The following RIPK2 variants were observed in gnomAD, a reference collection of about 807,000 sequenced individuals.
RIPK2 encodes the protein receptor-interacting serine/threonine-protein kinase 2.
A neutral mutation model predicts 60.9 loss-of-function variants in RIPK2; 38 were observed. That is an observed-to-expected ratio of 0.62 (90% CI 0.48 to 0.82). The LOEUF is 0.82. RIPK2 is among the 40% of genes least tolerant of loss of function. The pLI is 0.00. For synonymous variants in RIPK2, 225 were observed against 223.4 expected (o/e 1.01, Z -0.06); for missense variants, 518 against 647.0 (o/e 0.80, Z 2.16).
chr8:89,758,382 G>C (rs572486034), intron 1 of RIPK2, 149 bp downstream of exon 1: 25 of 746,524 alleles, frequency 3.3e-5, no homozygotes, highest in Admixed American at 1.9e-4. Flanking sequence ...AAGCTTGGGA[G>C]ATAGGGAGCA....
chr8:89,783,923 C>T, intron 7 of RIPK2, 127 bp from the exon 8 acceptor site: 1 of 513,160 alleles, frequency 1.9e-6, no homozygotes, highest in Non-Finnish European at 3.4e-6. Flanking sequence ...GTTATATTCT[C>T]AACTCTTTAT....
intron 2 of RIPK2, 150 bp downstream of exon 2, chr8:89,763,132 T>G (rs540216693): frequency 2.1e-6 from 1 of 484,150 alleles, no homozygotes; most frequent in African/African-American, 2.0e-5. Flanking sequence ...AAATTTTACC[T>G]TTTGTGACAT....
At chr8:89,770,062 G>A in intron 4 of RIPK2, 133 bp downstream of exon 4, 1 of 644,910 alleles carries the variant, frequency 1.6e-6, no homozygotes, top group Non-Finnish European at 2.5e-6. Flanking sequence ...TAAACTTGAG[G>A]CCCCACGGTG....
In RIPK2 at chr8:89,765,368, C is replaced by T; in HGVS notation, c.355C>T (p.Pro119Ser). 6.2e-7 allele frequency: 1 copy of T among 1,609,332 alleles called. No homozygotes were observed. Among genetic ancestry groups the T allele is most frequent in the South Asian group, 1.1e-5 (1 of 90,590 alleles). The part of the protein sequence containing the change: ...RKTEYPDVAW[P>S]LRFRILHEIA... ...AACTGAATATCCTGATGTTGCTTGG[C>T]CATTGAGATTTCGCATCCTGCATGA... Residue 119 changes from proline to serine, a missense_variant, in exon 3 of 11, where the codon CCA becomes TCA. Coordinates refer to ENST00000220751, the MANE Select transcript of RIPK2 (RefSeq NM_003821.6).
chr8:89,785,372 G>C (rs912943479), intron 8 of RIPK2, among the ~76,000 whole-genome samples: 1 of 152,056 alleles, frequency 6.6e-6, no homozygotes, highest in Non-Finnish European at 1.5e-5. Context: ...CTACTCGGGG[G>C]GTTGAGGCAG....
In RIPK2 at chr8:89,765,442, T is replaced by C; in HGVS notation, c.429T>C (p.Leu143=). Residue 143 remains leucine (L), a synonymous_variant, in exon 3 of 11, where the codon CTT becomes CTC. Coordinates refer to ENST00000220751, the MANE Select transcript of RIPK2 (RefSeq NM_003821.6). The part of the protein sequence containing the change: ...NYLHNMTPPL[L]HHDLKTQNIL... ...TGCACAATATGACTCCTCCTTTACT[T>C]CATCATGACTTGAAGACTCAGAATA... The C allele has an allele frequency of 6.3e-7, 1 of 1,599,910 alleles. No individual in the cohort carries two copies. Among genetic ancestry groups the C allele is most frequent in the East Asian group, 2.2e-5 (1 of 44,680 alleles).
intron 6 of RIPK2, among the ~76,000 whole-genome samples, chr8:89,777,164 T>C (rs1244393848): frequency 6.6e-6 from 1 of 152,242 alleles, no homozygotes; most frequent in African/African-American, 2.4e-5. Flanking sequence ...TCCTCTCAAG[T>C]ATTCAGTGGA....
intron 6 of RIPK2, among the ~76,000 whole-genome samples, chr8:89,778,931 A>G (rs1809446332): frequency 6.6e-6 from 1 of 152,224 alleles, no homozygotes; most frequent in African/African-American, 2.4e-5. Flanking sequence ...CCAGCAATGT[A>G]TGAGGTTTTC....
At chr8:89,784,256 C>A (rs1310234254) in intron 8 of RIPK2, 117 bp downstream of exon 8, 11 of 601,130 alleles carry the variant, frequency 1.8e-5, no homozygotes, top group Middle Eastern at 4.7e-4. Context: ...GCCCAGGGAG[C>A]TTTTAGGATT....
intron 9 of RIPK2, among the ~76,000 whole-genome samples, chr8:89,788,079 C>A (rs908049204): frequency 6.6e-6 from 1 of 152,190 alleles, no homozygotes; most frequent in Non-Finnish European, 1.5e-5. Flanking sequence ...CGGTGGCTCA[C>A]ACCTGTAATC....
intron 5 of RIPK2, among the ~76,000 whole-genome samples, chr8:89,772,085 G>A (rs931559391): frequency 3.3e-5 from 5 of 151,864 alleles, no homozygotes; most frequent in African/African-American, 4.8e-5. Flanking sequence ...AATCTCTTGC[G>A]TCCTCATTTT....
intron 10 of RIPK2, among the ~76,000 whole-genome samples, chr8:89,789,846 G>A (rs991463698): frequency 5.3e-5 from 8 of 152,106 alleles, no homozygotes; most frequent in South Asian, 2.1e-4. Flanking sequence ...TTTTTGCCCC[G>A]TGATTTATAC....
chr8:89,761,713 A>T (rs974327292), intron 1 of RIPK2, among the ~76,000 whole-genome samples: 2 of 26,710 alleles, frequency 7.5e-5, no homozygotes, highest in Non-Finnish European at 1.5e-4. Context: ...CTGGTCTGTT[A>T]AAAAAAAAAA....
intron 7 of RIPK2, among the ~76,000 whole-genome samples, chr8:89,782,296 G>C (rs1225237127): frequency 6.6e-6 from 1 of 152,190 alleles, no homozygotes. Flanking sequence ...ACTTAGAACT[G>C]CATGTGACTT....
intron 3 of RIPK2, among the ~76,000 whole-genome samples, chr8:89,766,643 A>C (rs184948537): frequency 6.7e-6 from 1 of 150,310 alleles, no homozygotes; most frequent in South Asian, 2.1e-4. Flanking sequence ...GCAAAATGAT[A>C]ATACCAAATG....
At chr8:89,785,855 T>C (rs1291315126) in intron 8 of RIPK2, among the ~76,000 whole-genome samples, 2 of 152,194 alleles carry the variant, frequency 1.3e-5, no homozygotes, top group Admixed American at 6.5e-5. Context: ...TAGCTAGTGA[T>C]TCCATGACAG....
intron 8 of RIPK2, among the ~76,000 whole-genome samples, chr8:89,785,163 T>C (rs1809564537): frequency 6.6e-6 from 1 of 152,170 alleles, no homozygotes; most frequent in Non-Finnish European, 1.5e-5. Flanking sequence ...TGACCTCATA[T>C]GATAGGTCGC....
Position 89,757,855 on chromosome 8 carries a change from A to C in RIPK2, c.-206A>C, listed in dbSNP as rs1809069324. The C allele has an allele frequency of 1.5e-6, 2 of 1,328,750 alleles. No homozygotes were observed. The highest frequency in any genetic ancestry group is 1.9e-6 in the Non-Finnish European group (2 of 1,039,886). The allele number at this position is 1,328,750 out of a possible 1,614,324, so 82.3% of individuals were successfully genotyped here. On this transcript the variant is annotated 5_prime_UTR_variant, in exon 1 of 11. Coordinates refer to ENST00000220751, the MANE Select transcript of RIPK2 (RefSeq NM_003821.6). ...CGGCGTTGGCACCAGTCTCTAGAAA[A>C]GAAGTCAGCTCTGGTTCGGAGAAGC... is the stretch of plus-strand genomic sequence containing the variant.
At chr8:89,769,328 A>C (rs1219529128) in intron 3 of RIPK2, among the ~76,000 whole-genome samples, 1 of 151,942 alleles carries the variant, frequency 6.6e-6, no homozygotes, top group Non-Finnish European at 1.5e-5. Context: ...GGGCATTATT[A>C]ATACAACTGT....
Sources: allele counts gnomAD v4.1 joint callset (sites outside exome capture counted in the v4.1 genomes callset), GRCh38; gene constraint gnomAD v4.1.1; transcripts MANE v1.5; gene names NCBI Gene and HGNC (gene_info 2026-07-23, HGNC 2026-07-21).